Variants in PBRM1 observed in about 807,000 individuals in gnomAD.
PBRM1 encodes the protein polybromo 1.
Under a neutral mutation model 194.5 loss-of-function variants are expected in PBRM1, and 27 were observed. The ratio of observed to expected loss-of-function variants is 0.14; its 90% CI spans 0.10 to 0.19. The LOEUF is 0.19. PBRM1 is among the 10% of genes least tolerant of loss of function. The pLI is 1.00. For missense variants in PBRM1, 1,466 were observed against 2,077.2 expected (o/e 0.71, Z 5.72); for synonymous variants, 655 against 693.2 (o/e 0.94, Z 0.87).
At chr3:52,618,411 A>G (rs1287111530) in intron 13 of PBRM1, among the ~76,000 whole-genome samples, 1 of 152,138 alleles carries the variant, frequency 6.6e-6, no homozygotes, top group African/African-American at 2.4e-5. Flanking sequence ...GCCCAAGGTA[A>G]GTTTCCTAGT....
At chr3:52,581,036 C>A (rs1041070696) in intron 20 of PBRM1, among the ~76,000 whole-genome samples, 1 of 152,150 alleles carries the variant, frequency 6.6e-6, no homozygotes, top group Non-Finnish European at 1.5e-5. Flanking sequence ...TATATTAACT[C>A]CAAAACATAT....
chr3:52,575,508 C>CTT (rs1177139118), intron 22 of PBRM1, among the ~76,000 whole-genome samples: 4,558 of 86,858 alleles, frequency 0.052, 496 homozygotes, highest in African/African-American at 0.13. Context: ...AATCAATTGT[C>CTT]TTTTTTTTTT....
At chr3:52,612,418 C>T (rs962553480) in intron 15 of PBRM1, among the ~76,000 whole-genome samples, 37 of 151,928 alleles carry the variant, frequency 2.4e-4, no homozygotes, top group African/African-American at 8.0e-4. Flanking sequence ...TTAATCTAAT[C>T]GCACCTTCAA....
intron 20 of PBRM1, among the ~76,000 whole-genome samples, chr3:52,583,266 T>C (rs184950280): frequency 0.012 from 1,778 of 151,570 alleles, 50 homozygotes; most frequent in African/African-American, 0.041. Flanking sequence ...AAAAATTAGC[T>C]AGGTGCGGTG....
chr3:52,608,159 C>T (rs1274279524), intron 16 of PBRM1, among the ~76,000 whole-genome samples: 1 of 152,184 alleles, frequency 6.6e-6, no homozygotes, highest in Non-Finnish European at 1.5e-5. Flanking sequence ...CATCAGACTT[C>T]AAGCTTTTAG....
intron 24 of PBRM1, 69 bp from the exon 27 acceptor site, chr3:52,562,037 G>A: frequency 7.8e-7 from 1 of 1,287,704 alleles, no homozygotes; most frequent in South Asian, 1.2e-5. Context: ...AATTTCAGAA[G>A]CCAGCCGGGC....
At chr3:52,619,873 GA>G (rs2095187644) in intron 13 of PBRM1, among the ~76,000 whole-genome samples, 1 of 151,992 alleles carries the variant, frequency 6.6e-6, no homozygotes, top group South Asian at 2.1e-4. Context: ...ATTTAATTAG[GA>G]AAAAAACAGA....
At chr3:52,661,173 G>T (rs2096716953) in intron 4 of PBRM1, among the ~76,000 whole-genome samples, 1 of 152,108 alleles carries the variant, frequency 6.6e-6, no homozygotes, top group Admixed American at 6.6e-5. Flanking sequence ...TTACAGGCAT[G>T]TGCCACCTGC....
At chr3:52,643,877 C>T (rs1158915867) in intron 8 of PBRM1, among the ~76,000 whole-genome samples, 1 of 151,690 alleles carries the variant, frequency 6.6e-6, no homozygotes, top group Admixed American at 6.6e-5. Context: ...GAGGCTAAGG[C>T]AAAAGAATTG....
intron 26 of PBRM1, among the ~76,000 whole-genome samples, chr3:52,555,446 G>C (rs1380593414): frequency 3.9e-5 from 6 of 152,202 alleles, no homozygotes; most frequent in Non-Finnish European, 7.3e-5. Context: ...GGTAAGAATG[G>C]ATTGTGCTTG....
intron 17 of PBRM1, among the ~76,000 whole-genome samples, chr3:52,595,519 AT>A (rs2093462534): frequency 6.6e-6 from 1 of 152,112 alleles, no homozygotes; most frequent in South Asian, 2.1e-4. Context: ...CCACTTTTTA[AT>A]TGGATTATTA....
intron 13 of PBRM1, among the ~76,000 whole-genome samples, chr3:52,624,579 T>C (rs2095384439): frequency 6.6e-6 from 1 of 152,242 alleles, no homozygotes. Flanking sequence ...AATCAGCACC[T>C]GCCAGTCCTG....
intron 13 of PBRM1, among the ~76,000 whole-genome samples, chr3:52,624,552 A>T (rs1418272410): frequency 1.3e-5 from 2 of 152,192 alleles, no homozygotes. Flanking sequence ...AATCTGTAAA[A>T]GGCATCCCTG....
downstream of PBRM1, chr3:52,547,837 A>C (rs2079875180): frequency 2.3e-6 from 1 of 431,542 alleles, no homozygotes; most frequent in Non-Finnish European, 4.1e-6. Context: ...AAACGAAGGA[A>C]ACATATGCAA....
chr3:52,674,683 T>C lies in PBRM1; in HGVS notation c.236+3817A>G, dbSNP rs866675681. Among the ~76,000 whole-genome samples the C allele has an allele frequency of 3.0e-4, 43 of 143,080 alleles. 1 individual carries two copies. Among genetic ancestry groups the C allele is most frequent in the African/African-American group, 9.0e-4 (34 of 37,762 alleles). 93.9% of individuals were successfully genotyped at this position (143,080 alleles called of 152,430 possible). On this transcript the variant is annotated intron_variant, in intron 2 of 29. Transcript: ENST00000296302. ...ATATATATACACACACACACACACATATATCTCCTTACCTAACATTACATA... is the reference window on the plus strand; with the variant it reads ...ATATATATACACACACACACACACACATATCTCCTTACCTAACATTACATA...
At chr3:52,549,884 GAC>G (rs202001525) in intron 29 of PBRM1, among the ~76,000 whole-genome samples, 4,254 of 147,106 alleles carry the variant, frequency 0.029, 211 homozygotes, top group African/African-American at 0.1. Context: ...CAGCCTGGGC[GAC>G]AGAGTGAGAC....
chr3:52,628,428 A>G (rs960232229), intron 12 of PBRM1, among the ~76,000 whole-genome samples: 1 of 147,956 alleles, frequency 6.8e-6, no homozygotes. Context: ...ATTATAATAC[A>G]TAAGTATAAT....
intron 2 of PBRM1, among the ~76,000 whole-genome samples, chr3:52,674,153 A>C (rs1433660223): frequency 6.6e-6 from 1 of 151,844 alleles, no homozygotes; most frequent in Non-Finnish European, 1.5e-5. Flanking sequence ...TTTTTAAAAG[A>C]TCAACAAAAT....
chr3:52,669,706 G>T (rs1435246780), intron 2 of PBRM1, among the ~76,000 whole-genome samples: 2 of 152,010 alleles, frequency 1.3e-5, no homozygotes, highest in African/African-American at 4.8e-5. Flanking sequence ...TTTTAAATTT[G>T]TATTCTGACA....
Sources: gnomAD v4.1 joint callset for allele counts (sites outside exome capture counted in the v4.1 genomes callset) on GRCh38, gnomAD v4.1.1 for gene constraint, MANE v1.5 for transcripts, NCBI Gene and HGNC (gene_info 2026-07-23, HGNC 2026-07-21) for gene names.